NLRP12: variants seen among roughly 807,000 people sequenced by gnomAD.
NLRP12 encodes the protein NLR family pyrin domain containing 12.
NLRP12 carries 108 observed loss-of-function variants against 91.2 expected under a neutral mutation model. The ratio of observed to expected loss-of-function variants is 1.18; its 90% CI spans 1.01 to 1.39. The LOEUF (loss-of-function observed/expected upper bound fraction) is 1.39. Ranked by LOEUF, NLRP12 falls within the 40% of genes most tolerant of loss-of-function variation. The pLI is 0.00. For synonymous variants in NLRP12, 613 were observed against 566.7 expected (o/e 1.08, Z -1.16); for missense variants, 1,530 against 1,352.7 (o/e 1.13, Z -2.06).
rs142404466 is a variant in NLRP12, at chr19:53,813,565, G to A, written c.370+1343C>T. On this transcript the variant is annotated intron_variant, in intron 2 of 9. Coordinates refer to ENST00000324134, the MANE Select transcript of NLRP12 (RefSeq NM_144687.4). Reference sequence around the variant, plus strand: ...GATCTGCCCGCCTGAGCCTCCTAAAGTGCTGGGATTACAGGCGTGAGCCAC... The same window carrying A: ...GATCTGCCCGCCTGAGCCTCCTAAAATGCTGGGATTACAGGCGTGAGCCAC... Among the ~76,000 whole-genome samples, 406 of 152,150 alleles carry A rather than the reference G, an allele frequency of 2.7e-3. 2 individuals are homozygous for A. Among genetic ancestry groups the A allele is most frequent in the African/African-American group, 9.2e-3 (382 of 41,518 alleles).
chr19:53,805,495 C>G (rs1350938115), intron 4 of NLRP12, 45 bp from the exon 5 acceptor site: 2 of 1,595,662 alleles, frequency 1.3e-6, no homozygotes, highest in African/African-American at 1.4e-5. Flanking sequence ...TTCTTTTGCT[C>G]CAGTTTTGTG....
chr19:53,796,207 C>G (rs934088686), intron 8 of NLRP12, 178 bp from the exon 9 acceptor site: 6 of 664,556 alleles, frequency 9.0e-6, no homozygotes, highest in Non-Finnish European at 1.7e-5. Context: ...GCTGGGATTA[C>G]AGGTGTGCAC....
At chr19:53,816,116 G>A (rs1261728682) in intron 1 of NLRP12, among the ~76,000 whole-genome samples, 4 of 151,734 alleles carry the variant, frequency 2.6e-5, no homozygotes, top group South Asian at 4.2e-4. Context: ...TCTACACATC[G>A]AGTCCTTCCT....
At chr19:53,809,535 A>C (rs1426188671) in intron 3 of NLRP12, 52 bp downstream of exon 3, 8 of 1,448,866 alleles carry the variant, frequency 5.5e-6, no homozygotes, top group Non-Finnish European at 7.4e-6. Context: ...AAAAAAAAAA[A>C]AAAAAACACA....
At chr19:53,798,982 T>TC (rs974785227) in intron 7 of NLRP12, among the ~76,000 whole-genome samples, 8 of 150,950 alleles carry the variant, frequency 5.3e-5, no homozygotes, top group African/African-American at 2.0e-4. Flanking sequence ...CCTTAGGTGA[T>TC]CCACCCGCCT....
chr19:53,802,134 G>A (rs2091885725), intron 6 of NLRP12, among the ~76,000 whole-genome samples: 1 of 151,830 alleles, frequency 6.6e-6, no homozygotes, highest in South Asian at 2.1e-4. Context: ...GGCTGAGGCA[G>A]GAGAATCACT....
intron 1 of NLRP12, among the ~76,000 whole-genome samples, chr19:53,815,735 A>G (rs1599855895): frequency 2.6e-5 from 4 of 152,112 alleles, no homozygotes; most frequent in Admixed American, 2.6e-4. Context: ...CAGCCTCCTG[A>G]GTAGCTGGGA....
rs2092228182 is a variant in NLRP12 at position 53,819,560 on chromosome 19, CGTATATATAT to C, written c.289+4316_289+4325del. ...GTATACGTATATATATGTATGTATACGTATATATATGCGTATATATGTATGTATACGTATA... is the reference window on the plus strand; with the variant it reads ...GTATACGTATATATATGTATGTATACGCGTATATATGTATGTATACGTATA... On this transcript the variant is annotated intron_variant, in intron 1 of 9. Coordinates refer to ENST00000324134, the MANE Select transcript of NLRP12 (RefSeq NM_144687.4). 1.6e-4 allele frequency among the ~76,000 whole-genome samples: 10 copies of C among 61,980 alleles called. 3 individuals carry two copies. The highest frequency in any genetic ancestry group is 2.6e-4 in the Non-Finnish European group (7 of 27,224). The allele number at this position is 61,980 out of a possible 152,430, so 40.7% of individuals were successfully genotyped here. A position where few individuals can be genotyped will look rare whatever the true frequency, so the allele number is the denominator to read the frequency against.
At position 53,809,667 on chromosome 19, in the gene NLRP12, G is replaced by C. The variant is rs377549646; in HGVS notation, c.1992C>G (p.His664Gln). ...LKRCRSAQVLHLYGATYSADG... is the reference protein window; with the variant it reads ...LKRCRSAQVLQLYGATYSADG... ...CCGCGCTGTAGGTGGCGCCATACAA[G>C]TGCAGCACCTGGGCGCTCCTGCAGC... Residue 664 changes from histidine to glutamine, a missense_variant, in exon 3 of 10, where the codon CAC becomes CAG. By Grantham distance (24) the His-to-Gln change is conservative (BLOSUM62 0). Transcript: ENST00000324134. 1 of 1,613,880 alleles carries C rather than the reference G, an allele frequency of 6.2e-7. No individual in the cohort carries two copies. Among genetic ancestry groups the C allele is most frequent in the Admixed American group, 1.7e-5 (1 of 59,980 alleles).
intron 3 of NLRP12, among the ~76,000 whole-genome samples, chr19:53,809,128 A>T (rs939360394): frequency 1.3e-5 from 2 of 151,584 alleles, no homozygotes; most frequent in Non-Finnish European, 2.9e-5. Context: ...CAGGAGGCTG[A>T]GGCAGGAGAA....
chr19:53,804,468 G>A (rs1600691944), intron 5 of NLRP12, among the ~76,000 whole-genome samples: 1 of 135,956 alleles, frequency 7.4e-6, no homozygotes. Context: ...GCGTGATCTT[G>A]CCTCACCGCA....
At chr19:53,816,110 C>T (rs1189786588) in intron 1 of NLRP12, among the ~76,000 whole-genome samples, 1 of 151,994 alleles carries the variant, frequency 6.6e-6, no homozygotes, top group Non-Finnish European at 1.5e-5. Flanking sequence ...TAAGATTCTA[C>T]ACATCGAGTC....
chr19:53,810,834 G>A lies in NLRP12; in HGVS notation c.825C>T (p.Pro275=). ...GGATGAGCTCCTGGAGAGGCGCGCTGGGCTCAGGCCAGCAGCTGAAGATGA... is the reference window on the plus strand; with the variant it reads ...GGATGAGCTCCTGGAGAGGCGCGCTAGGCTCAGGCCAGCAGCTGAAGATGA... ...QDLIFSCWPE[P]SAPLQELIRV... Residue 275 remains proline, a synonymous_variant, in exon 3 of 10, where the codon CCC becomes CCT. Transcript: ENST00000324134. 1.9e-6 allele frequency: 3 copies of A among 1,614,078 alleles called. No individual in the cohort carries two copies. Among genetic ancestry groups the A allele is most frequent in the Non-Finnish European group, 2.5e-6 (3 of 1,180,014 alleles).
intron 4 of NLRP12, among the ~76,000 whole-genome samples, chr19:53,805,935 C>A (rs1389352578): frequency 6.6e-6 from 1 of 152,086 alleles, no homozygotes; most frequent in Non-Finnish European, 1.5e-5. Flanking sequence ...ACAAAGGTTG[C>A]CCTTAAAGAA....
intron 2 of NLRP12, 25 bp from the exon 3 acceptor site, chr19:53,811,313 G>C (rs1248021503): frequency 9.9e-6 from 16 of 1,613,116 alleles, no homozygotes; most frequent in Admixed American, 1.7e-5. Context: ...TGAAGGTTTT[G>C]TGGAAGACTC....
chr19:53,801,145 C>A, intron 7 of NLRP12, 82 bp downstream of exon 7: 3 of 1,252,856 alleles, frequency 2.4e-6, no homozygotes, highest in Non-Finnish European at 3.5e-6. Flanking sequence ...GGAGCAGAGA[C>A]AACCTGGCCT....
At chr19:53,823,479 T>TATATTTTAAAAC (rs1568703124) in intron 1 of NLRP12, among the ~76,000 whole-genome samples, 19 of 89,908 alleles carry the variant, frequency 2.1e-4, no homozygotes, top group African/African-American at 5.1e-4. Context: ...ATTTAAAATA[T>TATATTTTAAAAC]ATATTTTAAA....
Position 53,810,848 on chromosome 19 carries a change from A to G in NLRP12, c.811T>C (p.Cys271Arg), listed in dbSNP as rs1381551154. The G allele has an allele frequency of 5.0e-6, 8 of 1,614,122 alleles. No homozygotes were observed. Among genetic ancestry groups the G allele is most frequent in the Non-Finnish European group, 6.8e-6 (8 of 1,180,034 alleles). ...ECSMQDLIFS[C>R]WPEPSAPLQE... The stretch of plus-strand genomic sequence containing the variant: ...AGAGGCGCGCTGGGCTCAGGCCAGC[A>G]GCTGAAGATGAGGTCTTGCATGCTG... The change falls in exon 3 of 10, where the codon TGC (cysteine) becomes CGC (arginine). Residue 271 changes from cysteine (C) to arginine (R), a missense_variant. Cys to Arg is a radical substitution (Grantham distance 180). Transcript: ENST00000324134.
chr19:53,809,855 C>A lies in NLRP12; in HGVS notation c.1804G>T (p.Asp602Tyr). The A allele has an allele frequency of 6.2e-7, 1 of 1,614,128 alleles. No homozygotes were observed. Among genetic ancestry groups the A allele is most frequent in the Non-Finnish European group, 8.5e-7 (1 of 1,180,032 alleles). The change falls in exon 3 of 10, where the codon GAC becomes TAC. Residue 602 changes from aspartate to tyrosine, a missense_variant. Coordinates refer to ENST00000324134, the MANE Select transcript of NLRP12 (RefSeq NM_144687.4). ...GAGCCCTGCTGCAGGGTGGAGCCGTCGCTCTGAGCTTTGCTTTGGATCCAC... is the reference window on the plus strand; with the variant it reads ...GAGCCCTGCTGCAGGGTGGAGCCGTAGCTCTGAGCTTTGCTTTGGATCCAC... The part of the protein sequence containing the change: ...LQWIQSKAQS[D>Y]GSTLQQGSLE...
Sources: gnomAD v4.1 joint callset for allele counts (sites outside exome capture counted in the v4.1 genomes callset) on GRCh38, gnomAD v4.1.1 for gene constraint, MANE v1.5 for transcripts, NCBI Gene and HGNC (gene_info 2026-07-23, HGNC 2026-07-21) for gene names.